The following EIPR1 variants were observed in gnomAD, a reference collection of about 807,000 sequenced individuals.
EIPR1 encodes the protein EARP complex and GARP complex interacting protein 1, also known as EARP and GARP complex-interacting protein 1.
Under a neutral mutation model 48.1 loss-of-function variants are expected in EIPR1, and 25 were observed. That is an observed-to-expected ratio of 0.52 (90% CI 0.38 to 0.73). The LOEUF is 0.73. EIPR1 is among the 30% of genes least tolerant of loss of function. The pLI, the probability that EIPR1 is intolerant of heterozygous loss-of-function variation, is 0.00. For synonymous variants in EIPR1, 204 were observed against 201.9 expected, an observed-to-expected ratio of 1.01 and a Z score of -0.09; for missense variants, 415 against 506.2, an observed-to-expected ratio of 0.82 and a Z score of 1.73.
chr2:3,257,358 A>G lies in EIPR1; in HGVS notation c.357T>C (p.Thr119=), dbSNP rs906527880. 10 of 1,614,174 alleles carry G rather than the reference A, an allele frequency of 6.2e-6. No individual in the cohort carries two copies. The highest frequency in any genetic ancestry group is 3.3e-5 in the South Asian group (3 of 91,076). ...SHESPDDSSS[T]AQTLELLCHL... ...GACAGAGCAGCTCCAGGGTCTGTGC[A>G]GTGCTGGATGAATCATCAGGGGACT... is the stretch of plus-strand genomic sequence containing the variant. Residue 119 remains threonine (T), a synonymous_variant, in exon 4 of 9, where the codon ACT becomes ACC. Coordinates refer to ENST00000382125, the MANE Select transcript of EIPR1 (RefSeq NM_003310.5).
rs370420558 is a variant in EIPR1 at position 3,377,608 on chromosome 2, G to C, written c.42+40C>G. 1.9e-6 allele frequency: 3 copies of C among 1,557,058 alleles called. No individual in the cohort carries two copies. In the East Asian group the frequency reaches 7.3e-5, roughly 38 times the overall value. ...CATGGGACCGCGCATGCTATCAACA[G>C]CCAGGCCGAGCAGCACCTGCCGCCC... On this transcript the variant is annotated intron_variant, in intron 1 of 8. Coordinates refer to ENST00000382125, the MANE Select transcript of EIPR1 (RefSeq NM_003310.5).
At chr2:3,239,657 C>G (rs1298835815) in intron 4 of EIPR1, among the ~76,000 whole-genome samples, 1 of 152,150 alleles carries the variant, frequency 6.6e-6, no homozygotes, top group Non-Finnish European at 1.5e-5. Flanking sequence ...GTGGCCCTGC[C>G]CTCAGCACGG....
intron 4 of EIPR1, among the ~76,000 whole-genome samples, chr2:3,233,729 C>T (rs1169457174): frequency 6.6e-6 from 1 of 152,216 alleles, no homozygotes; most frequent in African/African-American, 2.4e-5. Flanking sequence ...GCTAAGGAGC[C>T]TTCAAAGGAA....
At chr2:3,353,079 T>C (rs12479261) in intron 2 of EIPR1, 65,344 of 376,496 alleles carry the variant, frequency 0.17, 6,134 homozygotes, top group Non-Finnish European at 0.21. Context: ...ATAACTTTCA[T>C]AACTAATAAT....
intron 3 of EIPR1, among the ~76,000 whole-genome samples, chr2:3,285,685 G>A (rs1357647425): frequency 6.8e-6 from 1 of 146,436 alleles, no homozygotes; most frequent in Non-Finnish European, 1.5e-5. Flanking sequence ...GCACGGAGCA[G>A]AAGTCACCGA....
At chr2:3,314,013 G>C (rs1669208329) in intron 3 of EIPR1, among the ~76,000 whole-genome samples, 2 of 152,196 alleles carry the variant, frequency 1.3e-5, no homozygotes, top group African/African-American at 2.4e-5. Flanking sequence ...GGCACTAGCT[G>C]ACCCAGCCCC....
intron 4 of EIPR1, among the ~76,000 whole-genome samples, chr2:3,229,289 G>T (rs954933809): frequency 5.9e-5 from 9 of 152,180 alleles, no homozygotes; most frequent in Non-Finnish European, 8.8e-5. Context: ...TCACAACCAG[G>T]TTTACACTTC....
intron 5 of EIPR1, chr2:3,208,834 G>C: frequency 6.5e-7 from 1 of 1,549,000 alleles, no homozygotes; most frequent in Non-Finnish European, 8.7e-7. Context: ...GGCAGGTGCA[G>C]GTGTCTGGGG....
chr2:3,274,559 G>A, intron 3 of EIPR1: 1 of 1,227,688 alleles, frequency 8.1e-7, no homozygotes. Flanking sequence ...ACCTCCAAAA[G>A]CCTCACTAAG....
In EIPR1 at chr2:3,192,458, G is replaced by A. The variant is rs376091257; in HGVS notation, c.945C>T (p.Asp315=). 5.0e-5 allele frequency: 81 copies of A among 1,612,830 alleles called. No individual in the cohort carries two copies. Among genetic ancestry groups the A allele is most frequent in the Middle Eastern group, 3.3e-4 (2 of 6,056 alleles). The change falls in exon 8 of 9, where the codon GAC becomes GAT. Residue 315 remains aspartate, a synonymous_variant. Coordinates refer to ENST00000382125, the MANE Select transcript of EIPR1 (RefSeq NM_003310.5). ...ISSEPFGHLV[D]DDDISDQEDH... is the part of the protein sequence containing the mutation. ...CCTCCTGGTCACTGATGTCATCGTC[G>A]TCTACCAAGTGGCCGAAGGGCTCCG...
At chr2:3,214,867 G>A (rs759109223) in intron 4 of EIPR1, among the ~76,000 whole-genome samples, 1 of 152,170 alleles carries the variant, frequency 6.6e-6, no homozygotes, top group South Asian at 2.1e-4. Flanking sequence ...GCCTTTGGGA[G>A]GTGATTAGGG....
chr2:3,368,319 G>A (rs996140463), intron 1 of EIPR1, among the ~76,000 whole-genome samples: 9 of 152,196 alleles, frequency 5.9e-5, no homozygotes, highest in Middle Eastern at 3.2e-3. Context: ...GTGGTAAACC[G>A]AAGGGAAAGC....
chr2:3,220,607 T>C (rs1240655344), intron 4 of EIPR1, among the ~76,000 whole-genome samples: 1 of 151,006 alleles, frequency 6.6e-6, no homozygotes, highest in Non-Finnish European at 1.5e-5. Flanking sequence ...TGTGCATGTG[T>C]ACATTTTAAA....
intron 3 of EIPR1, among the ~76,000 whole-genome samples, chr2:3,317,301 G>A (rs961685816): frequency 6.6e-6 from 1 of 151,564 alleles, no homozygotes; most frequent in Non-Finnish European, 1.5e-5. Context: ...AGCGCACGAG[G>A]TGCTGACCGA....
At position 3,374,074 on chromosome 2, in the gene EIPR1, G is replaced by A. The variant is rs1289183744; in HGVS notation, c.42+3574C>T. ...GAACAGAGCCCTCAGAAATAATGCC[G>A]CATATCTACAACTATCTGATCTTTG... is the stretch of plus-strand genomic sequence containing the variant. On this transcript the variant is annotated intron_variant, in intron 1 of 8. Transcript: ENST00000382125. 2.7e-4 allele frequency among the ~76,000 whole-genome samples: 38 copies of A among 142,718 alleles called. 2 individuals are homozygous for A. The highest frequency in any genetic ancestry group is 9.1e-4 in the South Asian group (4 of 4,418). 93.6% of individuals were successfully genotyped at this position (142,718 alleles called of 152,430 possible). A position where few individuals can be genotyped will look rare whatever the true frequency, so the allele number is the denominator to read the frequency against.
intron 5 of EIPR1, among the ~76,000 whole-genome samples, chr2:3,204,898 G>A (rs1243511780): frequency 6.6e-6 from 1 of 151,914 alleles, no homozygotes; most frequent in Non-Finnish European, 1.5e-5. Flanking sequence ...CGTGCTCACA[G>A]CAGACCCTAC....
intron 4 of EIPR1, among the ~76,000 whole-genome samples, chr2:3,233,167 T>G (rs1666295441): frequency 6.6e-6 from 1 of 152,194 alleles, no homozygotes; most frequent in African/African-American, 2.4e-5. Context: ...AATCATTACT[T>G]ACAAACATGT....
At chr2:3,347,305 C>T (rs919928624) in intron 2 of EIPR1, among the ~76,000 whole-genome samples, 2 of 152,210 alleles carry the variant, frequency 1.3e-5, no homozygotes, top group African/African-American at 4.8e-5. Context: ...CCACCCAAAT[C>T]TCATCTTGAA....
intron 3 of EIPR1, among the ~76,000 whole-genome samples, chr2:3,273,397 C>A (rs1667754850): frequency 6.6e-6 from 1 of 152,086 alleles, no homozygotes; most frequent in African/African-American, 2.4e-5. Context: ...GCTTTTGGCC[C>A]ACAAAAGGTA....
Sources: gnomAD v4.1 joint callset for allele counts (sites outside exome capture counted in the v4.1 genomes callset) on GRCh38, gnomAD v4.1.1 for gene constraint, MANE v1.5 for transcripts, NCBI Gene and HGNC (gene_info 2026-07-23, HGNC 2026-07-21) for gene names.